DPP8: variants seen among roughly 807,000 people sequenced by gnomAD.
DPP8 encodes DPP VIII.
DPP8 carries 31 observed loss-of-function variants against 107.5 expected under a neutral mutation model. The observed-to-expected ratio is 0.29, with a 90% confidence interval of 0.22 to 0.39. The LOEUF is 0.39. Among genes scored for constraint, DPP8 ranks in the 10% least tolerant of loss-of-function variants. The pLI is 1.00. For missense variants in DPP8, 842 were observed against 1,076.1 expected (o/e 0.78, Z 3.04); for synonymous variants, 381 against 356.6 (o/e 1.07, Z -0.77).
intron 8 of DPP8, among the ~76,000 whole-genome samples, chr15:65,483,609 T>TAA (rs888580549): frequency 6.7e-6 from 1 of 149,950 alleles, no homozygotes; most frequent in Non-Finnish European, 1.5e-5. Context: ...TAAAATAAAA[T>TAA]AAAATAAAAT....
chr15:65,450,775 GAC>G (rs2063917841), intron 19 of DPP8: 4 of 395,398 alleles, frequency 1.0e-5, no homozygotes, highest in Non-Finnish European at 1.3e-5. Context: ...AGCAGATACA[GAC>G]ACACAGTCAT....
intron 12 of DPP8, among the ~76,000 whole-genome samples, chr15:65,469,751 C>A (rs932058935): frequency 6.6e-6 from 1 of 151,472 alleles, no homozygotes; most frequent in Non-Finnish European, 1.5e-5. Flanking sequence ...CATAAGAATC[C>A]CTTGAACTCA....
intron 5 of DPP8, among the ~76,000 whole-genome samples, chr15:65,494,355 G>A (rs557206807): frequency 8.6e-5 from 13 of 151,550 alleles, no homozygotes; most frequent in African/African-American, 2.9e-4. Context: ...ACTGAGAAAC[G>A]GGTGCATGAC....
intron 14 of DPP8, 111 bp from the exon 15 acceptor site, chr15:65,464,017 A>G (rs1209608296): frequency 8.1e-6 from 6 of 743,058 alleles, no homozygotes; most frequent in Non-Finnish European, 1.0e-5. Context: ...CAAACTGACC[A>G]CCCCTCTTTC....
At chr15:65,462,605 G>A (rs1271899232) in intron 15 of DPP8, among the ~76,000 whole-genome samples, 2 of 152,018 alleles carry the variant, frequency 1.3e-5, no homozygotes, top group African/African-American at 2.4e-5. Context: ...ATTTTGGACA[G>A]AGTCTCGCTC....
intron 8 of DPP8, 55 bp downstream of exon 8, chr15:65,485,044 G>T: frequency 7.3e-7 from 1 of 1,364,502 alleles, no homozygotes; most frequent in Non-Finnish European, 1.0e-6. Context: ...AACCCTACTG[G>T]GCTGAATAGA....
chr15:65,513,625 G>A (rs922501203), intron 1 of DPP8, among the ~76,000 whole-genome samples: 2 of 152,240 alleles, frequency 1.3e-5, no homozygotes, highest in African/African-American at 4.8e-5. Flanking sequence ...TTAATTAGCT[G>A]AAGTAGTTGA....
chr15:65,457,588 A>T (rs2064539097), intron 15 of DPP8, among the ~76,000 whole-genome samples: 1 of 151,956 alleles, frequency 6.6e-6, no homozygotes, highest in Non-Finnish European at 1.5e-5. Context: ...ATGTTTGCTT[A>T]TTATTTTCCC....
chr15:65,515,431 C>T (rs2071331868), intron 1 of DPP8, among the ~76,000 whole-genome samples: 1 of 152,148 alleles, frequency 6.6e-6, no homozygotes, highest in African/African-American at 2.4e-5. Flanking sequence ...AATGTCCATC[C>T]TGCATTTCTA....
intron 10 of DPP8, 116 bp from the exon 11 acceptor site, chr15:65,479,155 G>T: frequency 1.5e-6 from 1 of 649,448 alleles, no homozygotes; most frequent in Non-Finnish European, 2.4e-6. Context: ...AACCATCAAT[G>T]CCAAAGGAAT....
chr15:65,489,104 G>A (rs1412666284), intron 6 of DPP8, among the ~76,000 whole-genome samples: 1 of 152,074 alleles, frequency 6.6e-6, no homozygotes, highest in Non-Finnish European at 1.5e-5. Flanking sequence ...GGGACTACAG[G>A]TGCATACCAC....
At chr15:65,470,217 A>AAAAG (rs1567181045) in intron 12 of DPP8, among the ~76,000 whole-genome samples, 3 of 150,202 alleles carry the variant, frequency 2.0e-5, no homozygotes, top group Non-Finnish European at 4.4e-5. Flanking sequence ...AAAAAAAAAA[A>AAAAG]AAAGAAAGAA....
chr15:65,472,776 A>G (rs2066008330), intron 12 of DPP8, among the ~76,000 whole-genome samples: 1 of 152,188 alleles, frequency 6.6e-6, no homozygotes, highest in Non-Finnish European at 1.5e-5. Context: ...GTGGTGGTTC[A>G]CACCTGTAAC....
rs140751043 is a variant in DPP8 at position 65,474,342 on chromosome 15, G to T, written c.1457-54C>A. ...ACATTATACCAGACTATAAGCAAAT[G>T]AAACAATTAAGAACAGTACTCTAAG... is the stretch of plus-strand genomic sequence containing the variant. On this transcript the variant is annotated intron_variant, in intron 11 of 19. Transcript: ENST00000300141. 2,627 of 1,323,858 alleles carry T rather than the reference G, an allele frequency of 2.0e-3. 5 individuals are homozygous for T. Among genetic ancestry groups the T allele is most frequent in the Middle Eastern group, 6.4e-3 (35 of 5,490 alleles). The allele number at this position is 1,323,858 out of a possible 1,614,324, so 82.0% of individuals were successfully genotyped here. A position where few individuals can be genotyped will look rare whatever the true frequency, so the allele number is the denominator to read the frequency against.
intron 12 of DPP8, among the ~76,000 whole-genome samples, chr15:65,468,804 A>G (rs574830960): frequency 2.6e-5 from 4 of 152,254 alleles, no homozygotes; most frequent in African/African-American, 9.6e-5. Flanking sequence ...TTTCAAGACT[A>G]AAAAAATAAC....
intron 2 of DPP8, 99 bp downstream of exon 2, chr15:65,512,196 A>T: frequency 8.3e-7 from 1 of 1,197,938 alleles, no homozygotes; most frequent in South Asian, 1.3e-5. Flanking sequence ...AAAGTCACTG[A>T]TTAATTTATT....
intron 3 of DPP8, among the ~76,000 whole-genome samples, chr15:65,506,027 T>C (rs1234240804): frequency 2.0e-5 from 3 of 151,606 alleles, no homozygotes; most frequent in Admixed American, 1.3e-4. Context: ...ATTCATGTTA[T>C]TCAATTAAGA....
At chr15:65,497,013 C>T (rs1190514939) in intron 5 of DPP8, among the ~76,000 whole-genome samples, 8 of 152,140 alleles carry the variant, frequency 5.3e-5, no homozygotes, top group Non-Finnish European at 1.2e-4. Context: ...CCTCAACCTC[C>T]CTAGTAGCTG....
intron 16 of DPP8, chr15:65,455,574 T>C (rs975260088): frequency 9.8e-6 from 8 of 816,520 alleles, no homozygotes; most frequent in Non-Finnish European, 6.5e-6. Context: ...ACCACCACCT[T>C]GTCTATATTA....
Sources: allele counts gnomAD v4.1 joint callset (sites outside exome capture counted in the v4.1 genomes callset), GRCh38; gene constraint gnomAD v4.1.1; transcripts MANE v1.5; gene names NCBI Gene and HGNC (gene_info 2026-07-23, HGNC 2026-07-21).